POU6F2: variants seen among roughly 807,000 people sequenced by gnomAD.
POU6F2 encodes the protein POU class 6 homeobox 2, also known as POU domain, class 6, transcription factor 2.
In POU6F2, 31 loss-of-function variants were observed where a neutral mutation model predicts 71.3. The observed-to-expected ratio is 0.43, with a 90% CI of 0.33 to 0.59. The LOEUF is 0.59. Ranked by LOEUF, POU6F2 falls within the 20% of genes least tolerant of loss-of-function variation. The pLI is 0.04. For missense variants in POU6F2, 783 were observed against 856.8 expected (o/e 0.91, Z 1.07); for synonymous variants, 347 against 355.7 (o/e 0.98, Z 0.27).
intron 1 of POU6F2, among the ~76,000 whole-genome samples, chr7:38,997,035 C>T (rs16879987): frequency 0.11 from 17,296 of 152,178 alleles, 1,034 homozygotes; most frequent in East Asian, 0.14. Flanking sequence ...ACATCAGTGA[C>T]CTTCACACAT....
intron 7 of POU6F2, among the ~76,000 whole-genome samples, chr7:39,436,375 C>CT (rs1788242872): frequency 1.3e-5 from 2 of 152,024 alleles, no homozygotes; most frequent in African/African-American, 2.4e-5. Context: ...ATTTTATTCT[C>CT]TTTGTAGTGA....
At chr7:38,996,607 A>G (rs1298293310) in intron 1 of POU6F2, among the ~76,000 whole-genome samples, 1 of 152,184 alleles carries the variant, frequency 6.6e-6, no homozygotes, top group East Asian at 1.9e-4. Flanking sequence ...CTTCACAAGC[A>G]TCATGTTGGA....
At chr7:39,209,391 A>C (rs141587914) in intron 4 of POU6F2, among the ~76,000 whole-genome samples, 16 of 152,280 alleles carry the variant, frequency 1.1e-4, no homozygotes, top group African/African-American at 3.1e-4. Flanking sequence ...GTTGGAGTTG[A>C]CGCCCAAGCT....
chr7:39,378,914 T>C (rs1786766337), intron 5 of POU6F2, among the ~76,000 whole-genome samples: 1 of 152,222 alleles, frequency 6.6e-6, no homozygotes, highest in African/African-American at 2.4e-5. Context: ...AACTGAATTA[T>C]GTAGTTGTTT....
intron 2 of POU6F2, among the ~76,000 whole-genome samples, chr7:39,142,611 T>G (rs1792526898): frequency 6.6e-6 from 1 of 152,226 alleles, no homozygotes; most frequent in Non-Finnish European, 1.5e-5. Context: ...AACCTTTGAT[T>G]TTCTTTCCTT....
intron 7 of POU6F2, among the ~76,000 whole-genome samples, chr7:39,445,835 G>A (rs1249017986): frequency 6.6e-6 from 1 of 152,132 alleles, no homozygotes; most frequent in African/African-American, 2.4e-5. Context: ...CTGGGCTCTG[G>A]CTTCTTTTGT....
chr7:39,153,810 A>C (rs1343296578), intron 2 of POU6F2, among the ~76,000 whole-genome samples: 1 of 152,170 alleles, frequency 6.6e-6, no homozygotes, highest in Non-Finnish European at 1.5e-5. Context: ...AGAGTGCAGT[A>C]CCATGAGAAG....
intron 2 of POU6F2, among the ~76,000 whole-genome samples, chr7:39,194,649 C>T (rs192807248): frequency 6.6e-6 from 1 of 150,384 alleles, no homozygotes; most frequent in East Asian, 2.1e-4. Context: ...AAGCTGGCCA[C>T]CTGAGCTAGC....
At chr7:39,065,679 A>G (rs545533334) in intron 1 of POU6F2, among the ~76,000 whole-genome samples, 16 of 151,746 alleles carry the variant, frequency 1.1e-4, no homozygotes, top group Admixed American at 1.0e-3. Context: ...TTCCATTCGG[A>G]TATACTTGAA....
At chr7:39,095,698 T>G (rs949957302) in intron 2 of POU6F2, among the ~76,000 whole-genome samples, 10 of 152,186 alleles carry the variant, frequency 6.6e-5, no homozygotes, top group African/African-American at 2.4e-4. Flanking sequence ...GGACTGTGAT[T>G]TAGCCGCTAA....
intron 4 of POU6F2, among the ~76,000 whole-genome samples, chr7:39,304,017 C>T (rs1187176538): frequency 6.6e-6 from 1 of 152,194 alleles, no homozygotes; most frequent in East Asian, 1.9e-4. Flanking sequence ...TTTGCACCAA[C>T]ACTTTCAGTG....
At chr7:39,340,608 C>T (rs1785897886) in intron 5 of POU6F2, among the ~76,000 whole-genome samples, 1 of 152,154 alleles carries the variant, frequency 6.6e-6, no homozygotes, top group South Asian at 2.1e-4. Flanking sequence ...GAGCCTCAAC[C>T]AATATGCATC....
At chr7:39,184,847 A>G (rs975342670) in intron 2 of POU6F2, among the ~76,000 whole-genome samples, 9 of 152,174 alleles carry the variant, frequency 5.9e-5, no homozygotes, top group Non-Finnish European at 1.0e-4. Context: ...AAACAGTAGC[A>G]TAAGAGCTGT....
chr7:39,051,692 C>T (rs1319273980), intron 1 of POU6F2, among the ~76,000 whole-genome samples: 2 of 151,986 alleles, frequency 1.3e-5, no homozygotes, highest in African/African-American at 2.4e-5. Flanking sequence ...TTGCCATCCT[C>T]TCCTGAAAAA....
intron 2 of POU6F2, among the ~76,000 whole-genome samples, chr7:39,121,791 C>A (rs1005957503): frequency 6.6e-6 from 1 of 152,104 alleles, no homozygotes; most frequent in Non-Finnish European, 1.5e-5. Context: ...CTCCACCTCC[C>A]GGGTTCAAGC....
At chr7:39,459,925 C>T (rs982039607) in intron 8 of POU6F2, among the ~76,000 whole-genome samples, 5 of 152,098 alleles carry the variant, frequency 3.3e-5, no homozygotes, top group African/African-American at 9.7e-5. Flanking sequence ...GGGACAAAGG[C>T]GTCTGTGTCA....
At position 39,392,455 on chromosome 7, in the gene POU6F2, A is replaced by G. The variant is rs552900587; in HGVS notation, c.973-14145A>G. On this transcript the variant is annotated intron_variant, in intron 5 of 9. Coordinates refer to ENST00000518318, the MANE Select transcript of POU6F2 (RefSeq NM_001370959.1). Reference sequence around the variant, plus strand: ...CTTTCTTCCAGGTCTGCTTCAGAGAAGCTGAGCGTTCTTGGAACTAGCCTT... The same window carrying G: ...CTTTCTTCCAGGTCTGCTTCAGAGAGGCTGAGCGTTCTTGGAACTAGCCTT... Among the ~76,000 whole-genome samples the G allele has an allele frequency of 5.9e-5, 9 of 152,332 alleles. 1 individual carries two copies. The South Asian group carries it at 1.5e-3, about 25-fold the overall frequency.
At chr7:39,445,535 G>C (rs1321348958) in intron 7 of POU6F2, among the ~76,000 whole-genome samples, 1 of 152,120 alleles carries the variant, frequency 6.6e-6, no homozygotes, top group Admixed American at 6.5e-5. Flanking sequence ...TTGGGGTCTG[G>C]ATCCACTCTC....
chr7:39,444,121 T>C (rs1263662262), intron 7 of POU6F2, among the ~76,000 whole-genome samples: 1 of 152,212 alleles, frequency 6.6e-6, no homozygotes, highest in African/African-American at 2.4e-5. Context: ...TCCAACACAC[T>C]GATGATGATT....
Sources: gnomAD v4.1 joint callset for allele counts (sites outside exome capture counted in the v4.1 genomes callset) on GRCh38, gnomAD v4.1.1 for gene constraint, MANE v1.5 for transcripts, NCBI Gene and HGNC (gene_info 2026-07-23, HGNC 2026-07-21) for gene names.